The following ODF2L variants were observed in gnomAD, a reference collection of about 807,000 sequenced individuals.
ODF2L encodes the protein outer dense fiber of sperm tails 2 like, also known as protein BCAP.
ODF2L carries 76 observed loss-of-function variants against 86.3 expected under a neutral mutation model. The ratio of observed to expected loss-of-function variants is 0.88; its 90% CI spans 0.73 to 1.07. The LOEUF is 1.07. Ranked by LOEUF, ODF2L falls within the 50% of genes least tolerant of loss-of-function variation. The pLI is 0.00. For synonymous variants in ODF2L, 241 were observed against 231.3 expected (o/e 1.04, Z -0.38); for missense variants, 748 against 717.4 (o/e 1.04, Z -0.49).
chr1:86,379,537 A>G (rs1046467530), intron 7 of ODF2L, among the ~76,000 whole-genome samples: 2 of 152,196 alleles, frequency 1.3e-5, no homozygotes, highest in Non-Finnish European at 2.9e-5. Context: ...AATATGTACC[A>G]ATGTTCAAAG....
intron 11 of ODF2L, among the ~76,000 whole-genome samples, chr1:86,366,437 CACAT>C (rs900047506): frequency 1.5e-3 from 227 of 147,490 alleles, no homozygotes; most frequent in South Asian, 4.9e-3. Context: ...CACACACATA[CACAT>C]ACACATACAC....
At chr1:86,381,626 A>G (rs918164218) in intron 7 of ODF2L, among the ~76,000 whole-genome samples, 1 of 152,030 alleles carries the variant, frequency 6.6e-6, no homozygotes, top group Non-Finnish European at 1.5e-5. Context: ...AAAAAAAAAA[A>G]GAGTTACCTT....
chr1:86,369,032 G>C (rs1659629478), intron 10 of ODF2L, among the ~76,000 whole-genome samples: 1 of 152,014 alleles, frequency 6.6e-6, no homozygotes, highest in Non-Finnish European at 1.5e-5. Flanking sequence ...TGATCACTCA[G>C]TTCTTTTCTT....
exon 18 of ODF2L, chr1:86,351,288 T>C (rs1468773614): frequency 6.6e-6 from 1 of 152,160 alleles, no homozygotes; most frequent in Non-Finnish European, 1.5e-5. Context: ...AAGGAAGGGA[T>C]CCAGTTTCAG....
In ODF2L at chr1:86,356,543, C is replaced by T. The variant is rs11810074; in HGVS notation, c.1419G>A (p.Thr473=). The T allele has an allele frequency of 3.5e-3, 5,667 of 1,613,982 alleles. 184 individuals carry two copies. The African/African-American group carries it at 0.067, about 19-fold the overall frequency. Reference sequence around the variant, plus strand: ...ACTCGTGAAGCCTCCGTTCCGCCGCCGTCAAGGAATCGCAGACACGCTCTA... The same window carrying T: ...ACTCGTGAAGCCTCCGTTCCGCCGCTGTCAAGGAATCGCAGACACGCTCTA... Residue 473 remains threonine, a synonymous_variant, in exon 14 of 18, where the codon ACG becomes ACA. Coordinates refer to ENST00000317336, the Ensembl canonical transcript of ODF2L.
chr1:86,362,570 C>A (rs1659115771), intron 11 of ODF2L, among the ~76,000 whole-genome samples: 1 of 152,154 alleles, frequency 6.6e-6, no homozygotes, highest in Non-Finnish European at 1.5e-5. Flanking sequence ...GGATGACAGG[C>A]ATGAGCCACC....
downstream of ODF2L, chr1:86,348,823 GA>G (rs769944900): frequency 6.4e-7 from 1 of 1,558,802 alleles, no homozygotes; most frequent in South Asian, 1.3e-5. Flanking sequence ...TTGATTTTCC[GA>G]CTTCTCAAGA....
intron 1 of ODF2L, among the ~76,000 whole-genome samples, chr1:86,390,136 T>A (rs1661216019): frequency 6.6e-6 from 1 of 152,054 alleles, no homozygotes; most frequent in Admixed American, 6.6e-5. Context: ...CAAGAATTCT[T>A]AAAAGGCCGG....
chr1:86,365,586 C>G (rs1448183305), intron 11 of ODF2L, among the ~76,000 whole-genome samples: 1 of 152,162 alleles, frequency 6.6e-6, no homozygotes, highest in Non-Finnish European at 1.5e-5. Flanking sequence ...GAGAACTAAA[C>G]ACATTGTAAA....
chr1:86,386,896 CT>C lies in ODF2L; in HGVS notation c.113+18del, dbSNP rs752424172. On this transcript the variant is annotated intron_variant, in intron 2 of 17. Coordinates refer to ENST00000317336, the Ensembl canonical transcript of ODF2L. The stretch of plus-strand genomic sequence containing the variant: ...CTAGAATCGGAAATTTAGATTTCCC[CT>C]GATACTGATGAGAATACCAGCTGAG... 3 of 1,259,842 alleles carry C rather than the reference CT, an allele frequency of 2.4e-6. No homozygotes were observed. The highest frequency in any genetic ancestry group is 2.3e-6 in the Non-Finnish European group (2 of 865,876). The allele number at this position is 1,259,842 out of a possible 1,614,324, so 78.0% of individuals were successfully genotyped here.
At chr1:86,389,717 G>A (rs1661185795) in intron 1 of ODF2L, among the ~76,000 whole-genome samples, 1 of 152,042 alleles carries the variant, frequency 6.6e-6, no homozygotes, top group African/African-American at 2.4e-5. Context: ...TACTACAACT[G>A]ACACTACAGA....
At position 86,358,880 on chromosome 1, in the gene ODF2L, C is replaced by A. The variant is rs759129089; in HGVS notation, c.1266G>T (p.Leu422Phe). 2.6e-6 allele frequency: 4 copies of A among 1,512,276 alleles called. No individual in the cohort carries two copies. The highest frequency in any genetic ancestry group is 3.6e-6 in the Non-Finnish European group (4 of 1,118,766). 93.7% of individuals were successfully genotyped at this position (1,512,276 alleles called of 1,614,324 possible). The change falls in exon 13 of 18, where the codon TTG becomes TTT. Residue 422 changes from leucine to phenylalanine, a missense_variant. Coordinates refer to ENST00000317336, the Ensembl canonical transcript of ODF2L. ...TTTTTACTATTTCAGCTGCTTCTTGCAACTTTTGTACCTGAAAATAAAGTA... is the reference window on the plus strand; with the variant it reads ...TTTTTACTATTTCAGCTGCTTCTTGAAACTTTTGTACCTGAAAATAAAGTA...
intron 1 of ODF2L, among the ~76,000 whole-genome samples, chr1:86,393,622 G>C (rs1330684491): frequency 2.0e-5 from 3 of 152,136 alleles, no homozygotes; most frequent in Non-Finnish European, 2.9e-5. Flanking sequence ...CTGTAAACAC[G>C]GCATGTACTT....
At chr1:86,362,237 G>A (rs1481954997) in intron 11 of ODF2L, among the ~76,000 whole-genome samples, 1 of 152,002 alleles carries the variant, frequency 6.6e-6, no homozygotes, top group Non-Finnish European at 1.5e-5. Flanking sequence ...ATCTCTGGGG[G>A]GTTCTGAGCA....
intron 8 of ODF2L, among the ~76,000 whole-genome samples, chr1:86,374,175 C>A (rs928172577): frequency 6.6e-6 from 1 of 152,068 alleles, no homozygotes; most frequent in Non-Finnish European, 1.5e-5. Context: ...GCATGTATTA[C>A]GTGCAAGACT....
chr1:86,374,735 T>C (rs1399904121), intron 8 of ODF2L, among the ~76,000 whole-genome samples: 1 of 152,196 alleles, frequency 6.6e-6, no homozygotes, highest in African/African-American at 2.4e-5. Flanking sequence ...ACTAGTGACC[T>C]TCTAATTACC....
chr1:86,384,748 T>C (rs745752330), exon 4 of ODF2L: 11 of 1,528,802 alleles, frequency 7.2e-6, no homozygotes, highest in Non-Finnish European at 8.8e-6. Context: ...CTAATTCTTT[T>C]ATTAATATTT....
chr1:86,356,916 T>A (rs1658612540), intron 13 of ODF2L, among the ~76,000 whole-genome samples: 1 of 152,192 alleles, frequency 6.6e-6, no homozygotes, highest in Admixed American at 6.5e-5. Context: ...TTATCACTAA[T>A]AACCATTACT....
chr1:86,374,173 T>A (rs1346830489), intron 8 of ODF2L, among the ~76,000 whole-genome samples: 1 of 152,250 alleles, frequency 6.6e-6, no homozygotes, highest in Non-Finnish European at 1.5e-5. Context: ...GAGCATGTAT[T>A]ACGTGCAAGA....
Sources: gnomAD v4.1 joint callset for allele counts (sites outside exome capture counted in the v4.1 genomes callset) on GRCh38, gnomAD v4.1.1 for gene constraint, MANE v1.5 for transcripts, NCBI Gene and HGNC (gene_info 2026-07-23, HGNC 2026-07-21) for gene names.